The following SLC36A1 variants were observed in gnomAD, a reference collection of about 807,000 sequenced individuals.
SLC36A1 encodes the protein solute carrier family 36 member 1, also known as proton-coupled amino acid transporter 1.
In SLC36A1, 30 loss-of-function variants were observed where a neutral mutation model predicts 47.5. The ratio of observed to expected loss-of-function variants is 0.63; its 90% confidence interval spans 0.47 to 0.86. The LOEUF (loss-of-function observed/expected upper bound fraction) is 0.86. Among genes scored for constraint, SLC36A1 ranks in the 40% least tolerant of loss-of-function variants. The pLI is 0.00. For synonymous variants in SLC36A1, 255 were observed against 249.7 expected, an observed-to-expected ratio of 1.02 and a Z score of -0.20; for missense variants, 517 against 606.0, an observed-to-expected ratio of 0.85 and a Z score of 1.54.
chr5:151,351,115 A>T, the SLC36A1 span, among the ~76,000 whole-genome samples: 2 of 152,240 alleles, frequency 1.3e-5, no homozygotes, highest in Non-Finnish European at 2.9e-5. Context: ...CCTGAGTCAC[A>T]GTCAGTGCCC....
the SLC36A1 span, chr5:151,549,384 G>A: frequency 1.2e-6 from 2 of 1,614,008 alleles, no homozygotes; most frequent in African/African-American, 1.3e-5. Flanking sequence ...GGGGGCTATG[G>A]TGTCAGGAAC....
chr5:151,540,522 C>T, the SLC36A1 span: 1 of 1,548,412 alleles, frequency 6.5e-7, no homozygotes, highest in Non-Finnish European at 8.8e-7. Flanking sequence ...TCACTCTTAT[C>T]TTCCTTGCCT....
chr5:151,421,219 C>CCTT, the SLC36A1 span, among the ~76,000 whole-genome samples: 1 of 81,794 alleles, frequency 1.2e-5, no homozygotes, highest in Non-Finnish European at 2.4e-5. Flanking sequence ...CTTCCTTCCT[C>CCTT]CCTTTCTTTC....
At chr5:151,463,016 C>T (rs1292694062) in intron 2 of SLC36A1, among the ~76,000 whole-genome samples, 1 of 152,118 alleles carries the variant, frequency 6.6e-6, no homozygotes, top group Non-Finnish European at 1.5e-5. Flanking sequence ...GCTGGGATTA[C>T]AGGCACATGC....
At chr5:151,540,722 C>G in the SLC36A1 span, 3 of 1,614,072 alleles carry the variant, frequency 1.9e-6, no homozygotes, top group African/African-American at 1.3e-5. Flanking sequence ...CTCCACTCAT[C>G]TCCAACTTGG....
At chr5:151,539,933 G>A in the SLC36A1 span, among the ~76,000 whole-genome samples, 1 of 152,174 alleles carries the variant, frequency 6.6e-6, no homozygotes, top group African/African-American at 2.4e-5. Flanking sequence ...GTGAAGAAGG[G>A]CATCTCAGTG....
intron 1 of SLC36A1, among the ~76,000 whole-genome samples, chr5:151,454,927 C>A (rs1245374058): frequency 6.6e-6 from 1 of 151,968 alleles, no homozygotes; most frequent in East Asian, 1.9e-4. Flanking sequence ...GTTTTTGTAC[C>A]CCTCAAGTTG....
At chr5:151,499,889 C>T in the SLC36A1 span, among the ~76,000 whole-genome samples, 1 of 152,336 alleles carries the variant, frequency 6.6e-6, no homozygotes, top group East Asian at 1.9e-4. Context: ...CCACTCCTCA[C>T]AGCAGGGCAG....
At chr5:151,453,416 T>A (rs1753971492) in intron 1 of SLC36A1, among the ~76,000 whole-genome samples, 1 of 151,970 alleles carries the variant, frequency 6.6e-6, no homozygotes, top group African/African-American at 2.4e-5. Flanking sequence ...TTCATTGAAA[T>A]CTAGTGTGCA....
At chr5:151,530,654 G>A in the SLC36A1 span, among the ~76,000 whole-genome samples, 1 of 152,208 alleles carries the variant, frequency 6.6e-6, no homozygotes, top group East Asian at 1.9e-4. Flanking sequence ...ATGGCCTGGT[G>A]ATATTAAGAA....
At chr5:151,382,721 G>A in the SLC36A1 span, among the ~76,000 whole-genome samples, 4 of 152,176 alleles carry the variant, frequency 2.6e-5, no homozygotes, top group South Asian at 4.1e-4. Flanking sequence ...AACCTAGGTT[G>A]CTTTAACCAT....
At chr5:151,440,081 G>A (rs1291718001) in intron 1 of SLC36A1, among the ~76,000 whole-genome samples, 6 of 152,172 alleles carry the variant, frequency 3.9e-5, no homozygotes, top group Admixed American at 3.3e-4. Context: ...AGTTTCATGA[G>A]TGTGAATAAC....
At chr5:151,399,084 A>ATATATATTTTTT in the SLC36A1 span, among the ~76,000 whole-genome samples, 7 of 60,034 alleles carry the variant, frequency 1.2e-4, no homozygotes, top group Non-Finnish European at 1.4e-4. Context: ...ATATATATAT[A>ATATATATTTTTT]TTTTTTTTTT....
At position 151,449,780 on chromosome 5, in the gene SLC36A1, G is replaced by T. The variant is rs145722910; in HGVS notation, c.-6+1967G>T. 1.4e-3 allele frequency among the ~76,000 whole-genome samples: 214 copies of T among 151,690 alleles called. 1 individual carries two copies. Among genetic ancestry groups the T allele is most frequent in the Non-Finnish European group, 2.3e-3 (158 of 68,032 alleles). ...CTGTCACTGGAGGTAATCGTCTCTG[G>T]GCAATTACTTCGGGGATGTTGTAGA... On this transcript the variant is annotated intron_variant, in intron 1 of 10. Coordinates refer to ENST00000243389, the MANE Select transcript of SLC36A1 (RefSeq NM_078483.4).
intron 8 of SLC36A1, among the ~76,000 whole-genome samples, chr5:151,474,168 A>AAC (rs1259497641): frequency 2.2e-5 from 3 of 134,886 alleles, no homozygotes; most frequent in African/African-American, 1.0e-4. Flanking sequence ...TCAAAAAAAA[A>AAC]AAAAAAAAAA....
chr5:151,422,639 G>T, the SLC36A1 span, among the ~76,000 whole-genome samples: 1 of 151,988 alleles, frequency 6.6e-6, no homozygotes, highest in Non-Finnish European at 1.5e-5. Flanking sequence ...GAGGTGGGAG[G>T]ATTGCTTGAG....
the SLC36A1 span, chr5:151,544,917 A>G: frequency 1.4e-5 from 23 of 1,613,980 alleles, no homozygotes; most frequent in Middle Eastern, 1.6e-4. Flanking sequence ...GCAGATGCTT[A>G]AATTTGGGGG....
At chr5:151,493,480 C>T (rs1451184294), downstream of SLC36A1, among the ~76,000 whole-genome samples, 1 of 152,166 alleles carries the variant, frequency 6.6e-6, no homozygotes, top group Non-Finnish European at 1.5e-5. Context: ...GTTCCCATGA[C>T]TCTGTTTTGG....
chr5:151,471,325 G>A (rs1561765734), intron 7 of SLC36A1, among the ~76,000 whole-genome samples: 1 of 152,184 alleles, frequency 6.6e-6, no homozygotes, highest in Admixed American at 6.5e-5. Context: ...TAACATGTAT[G>A]TTTCTTTATA....
Sources: gnomAD v4.1 joint callset for allele counts (sites outside exome capture counted in the v4.1 genomes callset) on GRCh38, gnomAD v4.1.1 for gene constraint, MANE v1.5 for transcripts, NCBI Gene and HGNC (gene_info 2026-07-23, HGNC 2026-07-21) for gene names.